The following AIRE variants were observed in gnomAD, a reference collection of about 807,000 sequenced individuals.
AIRE encodes autoimmune polyendocrinopathy candidiasis ectodermal dystrophy protein.
A neutral mutation model predicts 62.1 loss-of-function variants in AIRE; 52 were observed. That is an observed-to-expected ratio of 0.84 (90% CI 0.67 to 1.06). The LOEUF (loss-of-function observed/expected upper bound fraction) is 1.06. Ranked by LOEUF, AIRE falls within the 50% of genes least tolerant of loss-of-function variation. The pLI is 0.00. For synonymous variants in AIRE, 342 were observed against 321.6 expected (o/e 1.06, Z -0.68); for missense variants, 774 against 755.8 (o/e 1.02, Z -0.28).
rs1328787941 is a variant in AIRE at position 44,286,925 on chromosome 21, A to C, written c.308-53A>C. 1 of 1,611,080 alleles carries C rather than the reference A, an allele frequency of 6.2e-7. No homozygotes were observed. The highest frequency in any genetic ancestry group is 2.2e-5 in the East Asian group (1 of 44,856). ...GGTGTCCAGTTCTGGGGCCCACCCT[A>C]CCCCTGGAGAAAACCCTGAGGTTGG... is the stretch of plus-strand genomic sequence containing the variant. On this transcript the variant is annotated intron_variant, in intron 2 of 13. Coordinates refer to ENST00000291582, the MANE Select transcript of AIRE (RefSeq NM_000383.4). This position sits in a 1 kb window ranked among gnomAD's most constrained non-coding sequence, Gnocchi z 6.0.
At position 44,289,989 on chromosome 21, in the gene AIRE, G is replaced by A. The variant is rs2040519658; in HGVS notation, c.800G>A (p.Gly267Asp). The change falls in exon 7 of 14, where the codon GGT becomes GAT. Residue 267 changes from glycine (G) to aspartate (D), a missense_variant and splice_region_variant. By Grantham distance (94) the Gly-to-Asp change is moderately conservative. This residue lies in a region of AIRE where 385 missense variants were observed against 396.0 expected (regional missense o/e 0.97). Transcript: ENST00000291582. ...TGCTGACGCCCCTCTTCCTTGCAGGGTGGAGGTGAGGCTAGGCTGGGCCAG... is the reference window on the plus strand; with the variant it reads ...TGCTGACGCCCCTCTTCCTTGCAGGATGGAGGTGAGGCTAGGCTGGGCCAG... The part of the protein sequence containing the change: ...RAKGAQGAAP[G>D]GGEARLGQQG... The A allele has an allele frequency of 6.2e-7, 1 of 1,611,032 alleles. No homozygotes were observed. The highest frequency in any genetic ancestry group is 8.5e-7 in the Non-Finnish European group (1 of 1,179,296).
At chr21:44,289,520 G>C in intron 5 of AIRE, 137 bp from the exon 6 acceptor site, 2 of 1,250,972 alleles carry the variant, frequency 1.6e-6, no homozygotes, top group South Asian at 2.8e-5. Flanking sequence ...GACTCGACTG[G>C]GGTGGGGGCG....
At chr21:44,295,845 G>A (rs556410662) in intron 12 of AIRE, among the ~76,000 whole-genome samples, 5 of 149,574 alleles carry the variant, frequency 3.3e-5, no homozygotes, top group African/African-American at 7.7e-5. Context: ...CAGGGCTGCC[G>A]GGCCTCGCAG....
Position 44,287,311 on chromosome 21 carries a change from T to G in AIRE, c.463+178T>G, listed in dbSNP as rs978361635. 8.6e-5 allele frequency: 69 copies of G among 801,338 alleles called. 1 individual carries two copies. Among genetic ancestry groups the G allele is most frequent in the Non-Finnish European group, 1.2e-4 (59 of 505,168 alleles). The allele number at this position is 801,338 out of a possible 1,614,324, so 49.6% of individuals were successfully genotyped here. On this transcript the variant is annotated intron_variant, in intron 3 of 13. Coordinates refer to ENST00000291582, the MANE Select transcript of AIRE (RefSeq NM_000383.4). The surrounding 1 kb of genome is among the most constrained non-coding windows in gnomAD (Gnocchi z 4.3). ...ACACTGGACCAGCCTCTCAGCTCCC[T>G]CCTGCCTGAAGGCTGAGCTCCCCGG...
chr21:44,292,852 A>T (rs1210155579), intron 9 of AIRE, 141 bp from the exon 10 acceptor site: 10 of 706,300 alleles, frequency 1.4e-5, no homozygotes, highest in Non-Finnish European at 2.5e-5. Context: ...GCCTTCCACC[A>T]TGCCAGCCCT....
chr21:44,294,703 T>C (rs1276171237), intron 12 of AIRE, among the ~76,000 whole-genome samples, 200 bp downstream of exon 12: 1 of 152,142 alleles, frequency 6.6e-6, no homozygotes, highest in Non-Finnish European at 1.5e-5. Context: ...TAAATATAGT[T>C]AAAAAGGAAG....
chr21:44,296,516 C>G, intron 13 of AIRE, 71 bp downstream of exon 13: 1 of 1,445,858 alleles, frequency 6.9e-7, no homozygotes, highest in South Asian at 1.1e-5. Context: ...CCCAGGCTCC[C>G]CACTCTGGGG....
chr21:44,296,067 C>G (rs879396493), intron 12 of AIRE, among the ~76,000 whole-genome samples: 3 of 152,200 alleles, frequency 2.0e-5, no homozygotes, highest in Non-Finnish European at 4.4e-5. Flanking sequence ...ACTTTCCTCT[C>G]TGGGCCTCAG....
At position 44,297,931 on chromosome 21, in the gene AIRE, G is replaced by A. The variant is rs1171076100; in HGVS notation, c.*204G>A. The A allele has an allele frequency of 5.0e-6, 3 of 594,376 alleles. No homozygotes were observed. Among genetic ancestry groups the A allele is most frequent in the Non-Finnish European group, 9.1e-6 (3 of 328,570 alleles). 36.8% of individuals were successfully genotyped at this position (594,376 alleles called of 1,614,324 possible). A position where few individuals can be genotyped will look rare whatever the true frequency, so the allele number is the denominator to read the frequency against. On this transcript the variant is annotated 3_prime_UTR_variant, in exon 14 of 14. Transcript: ENST00000291582. The surrounding 1 kb of genome is among the most constrained non-coding windows in gnomAD (Gnocchi z 4.8). ...AAACCCTGCCCCACTTCTCTACTCT[G>A]GAAGTCCCCGGGAGCCTCTCCTTGC...
At chr21:44,294,948 AC>A (rs1282774255) in intron 12 of AIRE, among the ~76,000 whole-genome samples, 1 of 151,976 alleles carries the variant, frequency 6.6e-6, no homozygotes, top group African/African-American at 2.4e-5. Flanking sequence ...AGGCAAAGTG[AC>A]CCCGGGTCCA....
chr21:44,293,917 G>C lies in AIRE; in HGVS notation c.1400+7G>C, dbSNP rs781592443. 9.5e-5 allele frequency: 152 copies of C among 1,596,080 alleles called. No homozygotes were observed. Among genetic ancestry groups the C allele is most frequent in the Non-Finnish European group, 1.3e-4 (148 of 1,179,394 alleles). Reference sequence around the variant, plus strand: ...CCGGCACCTCCCGGCCCGGGTGAGTGAGCGTGGTCGGCGGGGAGGCCTGAA... The same window carrying C: ...CCGGCACCTCCCGGCCCGGGTGAGTCAGCGTGGTCGGCGGGGAGGCCTGAA... On this transcript the variant is annotated splice_region_variant and intron_variant, in intron 11 of 13. Transcript: ENST00000291582.
At chr21:44,296,777 G>A (rs550743042) in intron 13 of AIRE, among the ~76,000 whole-genome samples, 1 of 150,744 alleles carries the variant, frequency 6.6e-6, no homozygotes, top group African/African-American at 2.4e-5. Flanking sequence ...GCAGAGGCTC[G>A]AGCACCAGGC....
At chr21:44,291,471 T>C (rs957465574) in intron 8 of AIRE, among the ~76,000 whole-genome samples, 40 of 152,184 alleles carry the variant, frequency 2.6e-4, no homozygotes, top group African/African-American at 9.2e-4. Flanking sequence ...AGGGCGAAGA[T>C]GCCACCCTGT....
intron 5 of AIRE, chr21:44,288,947 C>T (rs935612141): frequency 4.1e-5 from 7 of 169,904 alleles, no homozygotes; most frequent in African/African-American, 7.1e-5. Flanking sequence ...ACAGCAGGGC[C>T]GCTGGTGGCA....
At chr21:44,291,645 G>T (rs889033128) in intron 8 of AIRE, among the ~76,000 whole-genome samples, 1 of 151,540 alleles carries the variant, frequency 6.6e-6, no homozygotes, top group Non-Finnish European at 1.5e-5. Flanking sequence ...ACAGGACGCC[G>T]GGCTTAGTGG....
chr21:44,286,016 G>C lies in AIRE; in HGVS notation c.10G>C (p.Asp4His). The change falls in exon 1 of 14, where the codon GAC (aspartate) becomes CAC (histidine). Residue 4 changes from aspartate (D) to histidine (H), a missense_variant. Physicochemically the swap from Asp to His is moderately conservative, Grantham distance 81 (BLOSUM62 -1). This residue lies in a region of AIRE where 385 missense variants were observed against 396.0 expected (regional missense o/e 0.97). Transcript: ENST00000291582. The surrounding 1 kb of genome is among the most constrained non-coding windows in gnomAD (Gnocchi z 6.0). MAT[D>H]AALRRLLRLH... ...TCCCCGCGCCCACCCCATGGCGACG[G>C]ACGCGGCGCTACGCCGGCTTCTGAG... 6.5e-7 allele frequency: 1 copy of C among 1,532,266 alleles called. No homozygotes were observed. The highest frequency in any genetic ancestry group is 8.7e-7 in the Non-Finnish European group (1 of 1,144,332). 94.9% of individuals were successfully genotyped at this position (1,532,266 alleles called of 1,614,324 possible).
chr21:44,288,212 G>T, intron 4 of AIRE, 133 bp from the exon 5 acceptor site: 3 of 748,094 alleles, frequency 4.0e-6, no homozygotes, highest in Admixed American at 1.9e-5. Context: ...TGGCAGGGCT[G>T]GGTCCCCTCC....
intron 12 of AIRE, 121 bp downstream of exon 12, chr21:44,294,624 G>A: frequency 2.1e-6 from 1 of 481,712 alleles, no homozygotes; most frequent in Non-Finnish European, 3.7e-6. Flanking sequence ...GCTTGCACCA[G>A]ACGCACTGAC....
chr21:44,296,675 C>T (rs537497198), intron 13 of AIRE, among the ~76,000 whole-genome samples: 3 of 151,274 alleles, frequency 2.0e-5, no homozygotes, highest in South Asian at 4.2e-4. Flanking sequence ...GGCCCCTCCC[C>T]CTGCGGGAGC....
Sources: allele counts gnomAD v4.1 joint callset (sites outside exome capture counted in the v4.1 genomes callset), GRCh38; gene constraint gnomAD v4.1.1; regional missense constraint gnomAD v4.1.1; non-coding constraint Gnocchi (gnomAD v3.1); transcripts MANE v1.5; gene names NCBI Gene and HGNC (gene_info 2026-07-23, HGNC 2026-07-21).